MYO9A: variants seen among roughly 807,000 people sequenced by gnomAD.
MYO9A encodes the protein unconventional myosin-IXa.
In MYO9A, 103 loss-of-function variants were observed where a neutral mutation model predicts 293.3. The ratio of observed to expected loss-of-function variants is 0.35; its 90% CI spans 0.30 to 0.41. The LOEUF (loss-of-function observed/expected upper bound fraction) is 0.41, where lower values mean the gene tolerates loss of function less well. MYO9A is among the 10% of genes least tolerant of loss of function. The pLI, the probability that MYO9A is intolerant of heterozygous loss-of-function variation, is 1.00. For synonymous variants in MYO9A, 1,001 were observed against 1,035.7 expected, an observed-to-expected ratio of 0.97 and a Z score of 0.64; for missense variants, 2,685 against 3,033.0, an observed-to-expected ratio of 0.89 and a Z score of 2.69.
intron 1 of MYO9A, among the ~76,000 whole-genome samples, chr15:72,065,655 TAAAAA>T (rs1301738106): frequency 1.3e-5 from 2 of 151,690 alleles, no homozygotes; most frequent in African/African-American, 4.8e-5. Context: ...TCTATTCAAT[TAAAAA>T]AATCATTGAG....
intron 18 of MYO9A, among the ~76,000 whole-genome samples, chr15:71,921,947 T>C (rs2058165738): frequency 6.6e-6 from 1 of 152,152 alleles, no homozygotes; most frequent in African/African-American, 2.4e-5. Flanking sequence ...CCCTAAACAC[T>C]GCATGCTGCT....
At chr15:72,103,271 C>A (rs1480812636) in intron 1 of MYO9A, among the ~76,000 whole-genome samples, 1 of 141,148 alleles carries the variant, frequency 7.1e-6, no homozygotes, top group Non-Finnish European at 1.5e-5. Flanking sequence ...GCAGAGGCAG[C>A]AGCAGAAGCA....
chr15:71,934,786 CTTTTTTTTTTTTTT>C lies in MYO9A; in HGVS notation c.2522+541_2522+554del, dbSNP rs1167613386. Among the ~76,000 whole-genome samples the C allele has an allele frequency of 5.8e-4, 36 of 61,798 alleles. No individual in the cohort carries two copies. In the East Asian group the frequency reaches 0.01, roughly 17 times the overall value. 40.5% of individuals were successfully genotyped at this position (61,798 alleles called of 152,430 possible). A position where few individuals can be genotyped will look rare whatever the true frequency, so the allele number is the denominator to read the frequency against. On this transcript the variant is annotated intron_variant, in intron 17 of 41. Coordinates refer to ENST00000356056, the MANE Select transcript of MYO9A (RefSeq NM_006901.4). ...TGGCTAATTTTTTTTCTTTTCTTTTCTTTTTTTTTTTTTTTTTTTTTTTTTGGAGAGATGGGGTC... is the reference window on the plus strand; with the variant it reads ...TGGCTAATTTTTTTTCTTTTCTTTTCTTTTTTTTTTTGGAGAGATGGGGTC...
rs193029114 is a variant in MYO9A at position 71,898,853 on chromosome 15, C to T, written c.3650G>A (p.Arg1217Gln). 5 of 1,614,056 alleles carry T rather than the reference C, an allele frequency of 3.1e-6. No individual in the cohort carries two copies. Among genetic ancestry groups the T allele is most frequent in the East Asian group, 4.5e-5 (2 of 44,872 alleles). ...GTCCACTGAACTTTCACGGCTAATTCGATTACTCTCTATTACAGATTTACA... is the reference window on the plus strand; with the variant it reads ...GTCCACTGAACTTTCACGGCTAATTTGATTACTCTCTATTACAGATTTACA... ...EECKSVIESN[R>Q]ISRESSVDCL... Residue 1217 changes from arginine to glutamine, a missense_variant, in exon 25 of 42, where the codon CGA (arginine) becomes CAA (glutamine). Physicochemically the swap from Arg to Gln is conservative, Grantham distance 43. This residue lies in a region of MYO9A where 1,434 missense variants were observed against 1,497.7 expected (regional missense o/e 0.96). Coordinates refer to ENST00000356056, the MANE Select transcript of MYO9A (RefSeq NM_006901.4).
At chr15:71,912,721 G>A (rs1280686653) in intron 19 of MYO9A, among the ~76,000 whole-genome samples, 2 of 151,742 alleles carry the variant, frequency 1.3e-5, no homozygotes, top group East Asian at 3.9e-4. Context: ...AGCTTTTTTG[G>A]TCTGAAAATG....
chr15:72,074,950 C>CTTTTTTTTTTTTTTTTTTTTTT (rs1567012010), intron 1 of MYO9A, among the ~76,000 whole-genome samples: 2 of 71,666 alleles, frequency 2.8e-5, no homozygotes. Context: ...ATTTTCACTG[C>CTTTTTTTTTTTTTTTTTTTTTT]CTTTTTTTTT....
Position 71,854,460 on chromosome 15 carries a change from A to G in MYO9A, c.6263T>C (p.Met2088Thr), listed in dbSNP as rs543154074. Residue 2088 changes from methionine (M) to threonine (T), a missense_variant, in exon 35 of 42, where the codon ATG (methionine) becomes ACG (threonine). Met to Thr is a moderately conservative substitution (Grantham distance 81). Transcript: ENST00000356056. ...AATACCTTCTGTATACAGTCCATGCATTTCAATGTAGTTTATGAGCTTTTC... is the reference window on the plus strand; with the variant it reads ...AATACCTTCTGTATACAGTCCATGCGTTTCAATGTAGTTTATGAGCTTTTC... ...VVEKLINYIE[M>T]HGLYTEGIYR... 6.2e-7 allele frequency: 1 copy of G among 1,613,710 alleles called. No homozygotes were observed. Among genetic ancestry groups the G allele is most frequent in the Admixed American group, 1.7e-5 (1 of 59,984 alleles).
At chr15:71,956,310 TAAAAAAA>T (rs869151550) in intron 14 of MYO9A, among the ~76,000 whole-genome samples, 1 of 36,764 alleles carries the variant, frequency 2.7e-5, no homozygotes, top group African/African-American at 1.0e-4. Flanking sequence ...ACCCGGCTCT[TAAAAAAA>T]AAAAAAAAAA....
intron 16 of MYO9A, among the ~76,000 whole-genome samples, 180 bp from the exon 17 acceptor site, chr15:71,935,664 G>A (rs1408813079): frequency 1.3e-5 from 2 of 152,126 alleles, no homozygotes; most frequent in Non-Finnish European, 2.9e-5. Context: ...GTCTCATTCA[G>A]AACAAATTCC....
At chr15:72,066,621 C>T (rs932804324) in intron 1 of MYO9A, among the ~76,000 whole-genome samples, 2 of 152,084 alleles carry the variant, frequency 1.3e-5, no homozygotes, top group Admixed American at 6.6e-5. Flanking sequence ...GTTTCCTTAG[C>T]GGAGAGGAAG....
chr15:72,048,353 C>T (rs778748068), intron 1 of MYO9A, among the ~76,000 whole-genome samples: 10 of 150,782 alleles, frequency 6.6e-5, no homozygotes, highest in South Asian at 2.1e-4. Context: ...GAGCTGAGGT[C>T]GCACCCCTAC....
chr15:72,100,373 C>A (rs916869393), intron 1 of MYO9A, among the ~76,000 whole-genome samples: 1 of 152,240 alleles, frequency 6.6e-6, no homozygotes, highest in African/African-American at 2.4e-5. Context: ...GGTCTCGGCT[C>A]GCTACAACCC....
At position 72,012,727 on chromosome 15, in the gene MYO9A, T is replaced by G. The variant is rs191537880; in HGVS notation, c.1156-2280A>C. On this transcript the variant is annotated intron_variant, in intron 6 of 41. Transcript: ENST00000356056. ...CATTCACTTTATGATTTAACAAATA[T>G]TTTCCTATTACAAGTGGCAAGGCAG... is the stretch of plus-strand genomic sequence containing the variant. Among the ~76,000 whole-genome samples the G allele has an allele frequency of 1.4e-3, 218 of 152,320 alleles. 1 individual carries two copies. Among genetic ancestry groups the G allele is most frequent in the African/African-American group, 4.9e-3 (204 of 41,568 alleles).
At chr15:71,927,553 C>A (rs2058345927) in intron 18 of MYO9A, among the ~76,000 whole-genome samples, 1 of 152,152 alleles carries the variant, frequency 6.6e-6, no homozygotes, top group African/African-American at 2.4e-5. Context: ...AATCCCATGG[C>A]CGGCCCTGCA....
chr15:71,910,848 C>T (rs2057824641), intron 19 of MYO9A, among the ~76,000 whole-genome samples: 1 of 152,134 alleles, frequency 6.6e-6, no homozygotes, highest in Non-Finnish European at 1.5e-5. Context: ...TTTAGTTCTT[C>T]ATATTATACA....
At chr15:72,028,910 T>G (rs1470501041) in intron 3 of MYO9A, among the ~76,000 whole-genome samples, 1 of 152,240 alleles carries the variant, frequency 6.6e-6, no homozygotes, top group African/African-American at 2.4e-5. Flanking sequence ...ATAAGTGATC[T>G]ACTGCCTGTT....
intron 11 of MYO9A, among the ~76,000 whole-genome samples, chr15:71,990,754 CA>C (rs11422716): frequency 1.1e-3 from 147 of 129,330 alleles, no homozygotes; most frequent in Middle Eastern, 4.0e-3. Context: ...GAGACTCAGT[CA>C]AAAAAAAAAA....
At chr15:71,852,969 C>T (rs1010477025) in intron 35 of MYO9A, among the ~76,000 whole-genome samples, 15 of 152,238 alleles carry the variant, frequency 9.9e-5, no homozygotes, top group Middle Eastern at 3.4e-3. Flanking sequence ...TGGTGGCACA[C>T]GCCTATAATC....
At chr15:71,906,649 ATTT>A (rs560227094) in intron 19 of MYO9A, among the ~76,000 whole-genome samples, 3 of 133,332 alleles carry the variant, frequency 2.3e-5, no homozygotes, top group Admixed American at 7.3e-5. Context: ...CGCATGGTTT[ATTT>A]TTTTTCATTT....
Sources: allele counts gnomAD v4.1 joint callset (sites outside exome capture counted in the v4.1 genomes callset), GRCh38; gene constraint gnomAD v4.1.1; regional missense constraint gnomAD v4.1.1; transcripts MANE v1.5; gene names NCBI Gene and HGNC (gene_info 2026-07-23, HGNC 2026-07-21).